Variants in NKD1 observed in about 807,000 individuals in gnomAD.
The protein encoded by NKD1 is NKD inhibitor of Wnt signaling pathway 1, also known as protein naked cuticle homolog 1.
NKD1 carries 21 observed loss-of-function variants against 56.0 expected under a neutral mutation model. That is an observed-to-expected ratio of 0.38 (90% CI 0.27 to 0.54). The LOEUF is 0.54. NKD1 is among the 20% of genes least tolerant of loss of function. The pLI is 0.82. For synonymous variants in NKD1, 263 were observed against 265.7 expected, an observed-to-expected ratio of 0.99 and a Z score of 0.10; for missense variants, 578 against 642.7, an observed-to-expected ratio of 0.90 and a Z score of 1.09.
intron 3 of NKD1, chr16:50,570,796 T>C: frequency 4.1e-6 from 4 of 985,316 alleles, no homozygotes; most frequent in Non-Finnish European, 4.8e-6. Flanking sequence ...CCATGTCTAT[T>C]AGCCTTGGTT....
At chr16:50,559,490 A>G (rs1054035918) in intron 3 of NKD1, among the ~76,000 whole-genome samples, 4 of 152,064 alleles carry the variant, frequency 2.6e-5, no homozygotes, top group African/African-American at 9.7e-5. Context: ...TGCACAGAGA[A>G]AGTGTTCAGC....
At chr16:50,548,672 C>CGCCGCGGCT (rs1960294197) in intron 1 of NKD1, 45 bp from the exon 2 acceptor site, 1 of 1,464,058 alleles carries the variant, frequency 6.8e-7, no homozygotes, top group Non-Finnish European at 9.0e-7. Flanking sequence ...CTTCTCCCGC[C>CGCCGCGGCT]GCCGCGGCTG....
intron 3 of NKD1, among the ~76,000 whole-genome samples, chr16:50,559,061 C>T (rs1398660367): frequency 6.6e-6 from 1 of 152,256 alleles, no homozygotes; most frequent in Non-Finnish European, 1.5e-5. Context: ...CTGCACTTCT[C>T]CCCAGCTCGG....
chr16:50,592,045 A>C (rs537946903), intron 3 of NKD1, among the ~76,000 whole-genome samples: 1 of 152,250 alleles, frequency 6.6e-6, no homozygotes, highest in East Asian at 1.9e-4. Context: ...CACCTGCCCC[A>C]TTTGCATTCT....
chr16:50,625,844 G>A (rs944476404), intron 6 of NKD1, among the ~76,000 whole-genome samples: 1 of 94,080 alleles, frequency 1.1e-5, no homozygotes, highest in Admixed American at 9.6e-5. Context: ...AAGAAGTTGG[G>A]GGGGGCAGGT....
intron 3 of NKD1, among the ~76,000 whole-genome samples, chr16:50,565,369 C>G (rs1960736118): frequency 7.2e-6 from 1 of 139,810 alleles, no homozygotes; most frequent in African/African-American, 2.8e-5. Flanking sequence ...GAGACTCCGT[C>G]TCAAAAAAAA....
chr16:50,590,425 C>T (rs186742585), intron 3 of NKD1, among the ~76,000 whole-genome samples: 2 of 152,338 alleles, frequency 1.3e-5, no homozygotes, highest in East Asian at 3.9e-4. Flanking sequence ...AGTCATCCTT[C>T]TTTTTCTTGA....
At chr16:50,574,843 C>T (rs1960958334) in intron 3 of NKD1, 5 of 985,318 alleles carry the variant, frequency 5.1e-6, no homozygotes, top group Non-Finnish European at 6.0e-6. Flanking sequence ...TGAAACCAAG[C>T]TGTTTCTATG....
At chr16:50,585,457 T>G (rs1961207487) in intron 3 of NKD1, among the ~76,000 whole-genome samples, 2 of 152,218 alleles carry the variant, frequency 1.3e-5, no homozygotes, top group African/African-American at 4.8e-5. Flanking sequence ...GCTTTGGACG[T>G]GCATCCTGGG....
Position 50,648,128 on chromosome 16 carries a change from T to C in NKD1, c.*14347T>C, listed in dbSNP as rs1489126726. The C allele has an allele frequency of 6.6e-6, 1 of 152,444 alleles. No individual in the cohort carries two copies. The highest frequency in any genetic ancestry group is 1.5e-5 in the Non-Finnish European group (1 of 68,116). 9.4% of individuals were successfully genotyped at this position (152,444 alleles called of 1,614,324 possible). On this transcript the variant is annotated 3_prime_UTR_variant, in exon 10 of 10. Coordinates refer to ENST00000268459, the MANE Select transcript of NKD1 (RefSeq NM_033119.5). The stretch of plus-strand genomic sequence containing the variant: ...ACCACCAGGAAGGCCTCCTTTTCTC[T>C]CTTCTATAGCCACTCACTCCTGGGC...
chr16:50,583,954 C>T (rs1324358214), intron 3 of NKD1, among the ~76,000 whole-genome samples: 3 of 152,330 alleles, frequency 2.0e-5, no homozygotes, highest in African/African-American at 7.2e-5. Context: ...CACTCATTCT[C>T]TTAATTCTCA....
At chr16:50,549,268 G>C (rs889014649) in intron 2 of NKD1, among the ~76,000 whole-genome samples, 154 bp from the exon 3 acceptor site, 2 of 150,222 alleles carry the variant, frequency 1.3e-5, no homozygotes, top group African/African-American at 2.5e-5. Context: ...ACTTACCCGC[G>C]TCCCTCTCTT....
intron 3 of NKD1, among the ~76,000 whole-genome samples, chr16:50,569,552 G>C (rs1960837487): frequency 6.6e-6 from 1 of 152,040 alleles, no homozygotes; most frequent in Non-Finnish European, 1.5e-5. Flanking sequence ...AGTAGACCCT[G>C]GGCAAAATCC....
In NKD1 at chr16:50,632,361, A is replaced by G. The variant is rs775532935; in HGVS notation, c.776A>G (p.Tyr259Cys). The G allele has an allele frequency of 1.2e-6, 2 of 1,614,064 alleles. No individual in the cohort carries two copies. The highest frequency in any genetic ancestry group is 1.3e-5 in the African/African-American group (1 of 75,024). ...VDENIERRNH[Y>C]LDLAGIENYT... ...GAGAACATCGAGAGGAGAAACCACT[A>G]CTTAGATCTCGCCGGGATAGAAAAC... is the stretch of plus-strand genomic sequence containing the variant. Residue 259 changes from tyrosine (Y) to cysteine (C), a missense_variant, in exon 9 of 10, where the codon TAC becomes TGC. Coordinates refer to ENST00000268459, the MANE Select transcript of NKD1 (RefSeq NM_033119.5). The surrounding 1 kb of genome is among the most constrained non-coding windows in gnomAD (Gnocchi z 4.1).
intron 3 of NKD1, among the ~76,000 whole-genome samples, chr16:50,564,009 A>C (rs1254288050): frequency 6.6e-6 from 1 of 152,276 alleles, no homozygotes; most frequent in African/African-American, 2.4e-5. Context: ...CTCCATCCTC[A>C]GTGGGCAGGG....
rs1243593023 is a variant in NKD1 at position 50,648,540 on chromosome 16, T to C, written c.*14759T>C. On this transcript the variant is annotated 3_prime_UTR_variant, in exon 10 of 10. Transcript: ENST00000268459. ...ACCTTTCTTGACTTCTTGATTGTTT[T>C]TGTGATACTGACACATCCCCCCTTT... 1 of 152,312 alleles carries C rather than the reference T, an allele frequency of 6.6e-6. No individual in the cohort carries two copies. The highest frequency in any genetic ancestry group is 1.5e-5 in the Non-Finnish European group (1 of 68,066). The allele number at this position is 152,312 out of a possible 1,614,324, so 9.4% of individuals were successfully genotyped here.
At chr16:50,625,180 C>T (rs1962181515) in intron 5 of NKD1, 2 of 421,774 alleles carry the variant, frequency 4.7e-6, no homozygotes, top group Non-Finnish European at 8.7e-6. Flanking sequence ...GGTCCAAGTT[C>T]AGCTTTTCTG....
rs1043194392 is a variant in NKD1, at chr16:50,623,715, C to T, written c.367-1770C>T. Among the ~76,000 whole-genome samples the T allele has an allele frequency of 1.4e-4, 21 of 148,016 alleles. No individual in the cohort carries two copies. The highest frequency in any genetic ancestry group is 2.7e-4 in the Non-Finnish European group (18 of 67,434). On this transcript the variant is annotated intron_variant, in intron 5 of 9. Coordinates refer to ENST00000268459, the MANE Select transcript of NKD1 (RefSeq NM_033119.5). The surrounding 1 kb of genome is among the most constrained non-coding windows in gnomAD (Gnocchi z 4.1). ...GCTCAGACCCAAGCTGTCTTGGAAACAGGTAAGTGCTGTGTGTGTGTGTGT... is the reference window on the plus strand; with the variant it reads ...GCTCAGACCCAAGCTGTCTTGGAAATAGGTAAGTGCTGTGTGTGTGTGTGT...
At chr16:50,600,510 T>G (rs1961571639) in intron 3 of NKD1, among the ~76,000 whole-genome samples, 1 of 152,086 alleles carries the variant, frequency 6.6e-6, no homozygotes, top group Non-Finnish European at 1.5e-5. Flanking sequence ...TGTGATTTTA[T>G]TGATCTTATT....
Sources: gnomAD v4.1 joint callset for allele counts (sites outside exome capture counted in the v4.1 genomes callset) on GRCh38, gnomAD v4.1.1 for gene constraint, Gnocchi (gnomAD v3.1) non-coding constraint, MANE v1.5 for transcripts, NCBI Gene and HGNC (gene_info 2026-07-23, HGNC 2026-07-21) for gene names.